The following ST3GAL1 variants were observed in gnomAD, a reference collection of about 807,000 sequenced individuals.
ST3GAL1 encodes the protein ST3 beta-galactoside alpha-2,3-sialyltransferase 1.
Under a neutral mutation model 34.1 loss-of-function variants are expected in ST3GAL1, and 16 were observed. The observed-to-expected ratio is 0.47, with a 90% CI of 0.32 to 0.71. The LOEUF is 0.71. Among genes scored for constraint, ST3GAL1 ranks in the 30% least tolerant of loss-of-function variants. The pLI, the probability that ST3GAL1 is intolerant of heterozygous loss-of-function variation, is 0.04. For missense variants in ST3GAL1, 353 were observed against 447.4 expected, an observed-to-expected ratio of 0.79 and a Z score of 1.90; for synonymous variants, 191 against 184.7, an observed-to-expected ratio of 1.03 and a Z score of -0.28.
chr8:133,488,711 G>A (rs148049316), intron 3 of ST3GAL1, among the ~76,000 whole-genome samples: 14 of 152,374 alleles, frequency 9.2e-5, no homozygotes, highest in African/African-American at 3.1e-4. Context: ...GTGACTGAGG[G>A]TCCACAGGGT....
chr8:133,508,263 G>A lies in ST3GAL1; in HGVS notation c.-428-9074C>T, dbSNP rs527609137. 3.7e-4 allele frequency among the ~76,000 whole-genome samples: 56 copies of A among 152,156 alleles called. No individual in the cohort carries two copies. The highest frequency in any genetic ancestry group is 1.5e-3 in the South Asian group (7 of 4,824). ...AACACGTTTCTTATGTGGAATTATC[G>A]GATTCCTGTCTTTCCTTTCTGCTGC... On this transcript the variant is annotated intron_variant, in intron 2 of 9. Transcript: ENST00000522652. This position sits in a 1 kb window ranked among gnomAD's most constrained non-coding sequence, Gnocchi z 4.1.
chr8:133,501,105 A>G (rs1817137333), intron 2 of ST3GAL1, among the ~76,000 whole-genome samples: 1 of 152,170 alleles, frequency 6.6e-6, no homozygotes, highest in Non-Finnish European at 1.5e-5. Context: ...AGCCTCAGAC[A>G]TCGTTCTTTC....
At chr8:133,533,110 G>C (rs1357659163) in intron 2 of ST3GAL1, among the ~76,000 whole-genome samples, 1 of 152,150 alleles carries the variant, frequency 6.6e-6, no homozygotes, top group Admixed American at 6.5e-5. Flanking sequence ...TGGAATCCCT[G>C]GATTTCCATG....
chr8:133,550,601 A>G (rs1458358803), intron 1 of ST3GAL1, among the ~76,000 whole-genome samples: 1 of 152,082 alleles, frequency 6.6e-6, no homozygotes, highest in African/African-American at 2.4e-5. Context: ...ATTTCCATCC[A>G]TCCAACTGGT....
chr8:133,518,745 A>G (rs1404975354), intron 2 of ST3GAL1, among the ~76,000 whole-genome samples: 1 of 152,182 alleles, frequency 6.6e-6, no homozygotes, highest in African/African-American at 2.4e-5. Context: ...ACTATGCGCC[A>G]AACACTTTGA....
chr8:133,465,021 A>G, intron 6 of ST3GAL1, 64 bp from the exon 7 acceptor site: 1 of 1,521,640 alleles, frequency 6.6e-7, no homozygotes, highest in Non-Finnish European at 8.9e-7. Context: ...ACAGCCTGAG[A>G]GCTCCGAGAG....
At chr8:133,532,017 A>G (rs1266844307) in intron 2 of ST3GAL1, among the ~76,000 whole-genome samples, 1 of 152,158 alleles carries the variant, frequency 6.6e-6, no homozygotes, top group African/African-American at 2.4e-5. Flanking sequence ...CCCAGAGACA[A>G]ATGACATCTG....
intron 3 of ST3GAL1, among the ~76,000 whole-genome samples, chr8:133,483,420 G>C (rs1430983649): frequency 6.6e-6 from 1 of 152,144 alleles, no homozygotes; most frequent in African/African-American, 2.4e-5. Context: ...GAACAGCTCA[G>C]TTCCCGCCAC....
At chr8:133,547,288 T>G (rs1055296729) in intron 1 of ST3GAL1, among the ~76,000 whole-genome samples, 1 of 152,038 alleles carries the variant, frequency 6.6e-6, no homozygotes, top group Non-Finnish European at 1.5e-5. Context: ...TTTTTTTTTT[T>G]GAGATGGGTC....
intron 5 of ST3GAL1, among the ~76,000 whole-genome samples, chr8:133,472,320 C>T (rs1015771789): frequency 4.6e-5 from 7 of 152,104 alleles, no homozygotes; most frequent in Admixed American, 2.0e-4. Flanking sequence ...GATGGGAGCT[C>T]GGGACCTCAC....
chr8:133,513,476 A>G (rs1817554511), intron 2 of ST3GAL1, among the ~76,000 whole-genome samples: 1 of 152,262 alleles, frequency 6.6e-6, no homozygotes, highest in African/African-American at 2.4e-5. Flanking sequence ...GACTGAACAC[A>G]TAAGAAATGT....
At chr8:133,484,488 C>T (rs1386572986) in intron 3 of ST3GAL1, among the ~76,000 whole-genome samples, 2 of 152,190 alleles carry the variant, frequency 1.3e-5, no homozygotes, top group Non-Finnish European at 2.9e-5. Context: ...GGATCAATGT[C>T]TAAACGTTTC....
intron 2 of ST3GAL1, among the ~76,000 whole-genome samples, chr8:133,507,161 T>C (rs1034398804): frequency 6.6e-6 from 1 of 152,176 alleles, no homozygotes; most frequent in African/African-American, 2.4e-5. Context: ...TTGAATCAGA[T>C]GCCAGGTGAC....
chr8:133,545,378 G>A (rs1312862690), intron 2 of ST3GAL1, among the ~76,000 whole-genome samples: 2 of 152,218 alleles, frequency 1.3e-5, no homozygotes, highest in East Asian at 3.8e-4. Context: ...GGCCAGGCTT[G>A]TCCTGTAGGC....
Position 133,495,907 on chromosome 8 carries a change from C to T in ST3GAL1, c.-374+3228G>A, listed in dbSNP as rs140293946. ...CCAAATAGAGAAAGTGGTCAGGTTG[C>T]GCCTGAACTGCTGTGGAGGGCACAC... On this transcript the variant is annotated intron_variant, in intron 3 of 9. Coordinates refer to ENST00000522652, the MANE Select transcript of ST3GAL1 (RefSeq NM_173344.3). 3.6e-3 allele frequency among the ~76,000 whole-genome samples: 550 copies of T among 152,290 alleles called. 2 individuals carry two copies. Among genetic ancestry groups the T allele is most frequent in the Non-Finnish European group, 5.7e-3 (385 of 68,026 alleles).
At chr8:133,533,164 G>A (rs1174998988) in intron 2 of ST3GAL1, among the ~76,000 whole-genome samples, 3 of 152,124 alleles carry the variant, frequency 2.0e-5, no homozygotes, top group Non-Finnish European at 4.4e-5. Context: ...CAGTCCAATG[G>A]CACTCTGAAT....
intron 2 of ST3GAL1, among the ~76,000 whole-genome samples, chr8:133,506,791 A>G (rs1817354529): frequency 6.7e-6 from 1 of 150,014 alleles, no homozygotes; most frequent in South Asian, 2.1e-4. Context: ...GTCCCAAAAA[A>G]AAGAAAAAAA....
intron 3 of ST3GAL1, among the ~76,000 whole-genome samples, chr8:133,494,973 C>T (rs1001518596): frequency 1.5e-5 from 2 of 135,388 alleles, no homozygotes; most frequent in African/African-American, 5.7e-5. Flanking sequence ...GGCTGGAGTG[C>T]AGTGGCACGA....
intron 2 of ST3GAL1, among the ~76,000 whole-genome samples, chr8:133,501,764 A>G (rs1001749149): frequency 6.6e-6 from 1 of 151,360 alleles, no homozygotes. Context: ...CAAACAAACA[A>G]ACAACAACAA....
Sources: allele counts gnomAD v4.1 joint callset (sites outside exome capture counted in the v4.1 genomes callset), GRCh38; gene constraint gnomAD v4.1.1; non-coding constraint Gnocchi (gnomAD v3.1); transcripts MANE v1.5; gene names NCBI Gene and HGNC (gene_info 2026-07-23, HGNC 2026-07-21).